PCM1: variants seen among roughly 807,000 people sequenced by gnomAD.
PCM1 encodes pericentriolar material 1, also known as pericentriolar material 1 protein.
Under a neutral mutation model 241.9 loss-of-function variants are expected in PCM1, and 157 were observed. The observed-to-expected ratio is 0.65, with a 90% CI of 0.57 to 0.74. The LOEUF (loss-of-function observed/expected upper bound fraction) is 0.74. PCM1 is among the 30% of genes least tolerant of loss of function. The pLI, the probability that PCM1 is intolerant of heterozygous loss-of-function variation, is 0.00. For missense variants in PCM1, 3,478 were observed against 2,360.1 expected (o/e 1.47, Z -9.81); for synonymous variants, 1,085 against 784.9 (o/e 1.38, Z -6.39).
chr8:18,001,292 A>G, intron 29 of PCM1, among the ~76,000 whole-genome samples: 1 of 152,196 alleles, frequency 6.6e-6, no homozygotes, highest in East Asian at 1.9e-4. Flanking sequence ...TTCCACTATT[A>G]CAAACACTTA....
At chr8:18,020,266 G>C (rs1366481256) in intron 36 of PCM1, among the ~76,000 whole-genome samples, 10 of 152,164 alleles carry the variant, frequency 6.6e-5, no homozygotes, top group Non-Finnish European at 2.9e-5. Context: ...AGTTGTCAGA[G>C]CATATCCAAA....
chr8:18,006,391 A>G lies in PCM1; in HGVS notation c.4956A>G (p.Ile1652Met), dbSNP rs2091314059. Residue 1652 changes from isoleucine (I) to methionine (M), a missense_variant, in exon 30 of 39, where the codon ATA becomes ATG. Transcript: ENST00000325083. ...TCTTTCATAAACAACTTGGAAGTAT[A>G]TTACAGGTAAGAGTTTATACTTGTA... ...VKFFHKQLGS[I>M]LQDSLAKFAG... is the part of the protein sequence containing the mutation. 3 of 1,607,068 alleles carry G rather than the reference A, an allele frequency of 1.9e-6. No homozygotes were observed. The highest frequency in any genetic ancestry group is 2.6e-6 in the Non-Finnish European group (3 of 1,173,882).
intron 4 of PCM1, among the ~76,000 whole-genome samples, chr8:17,937,988 T>C (rs999458888): frequency 3.3e-5 from 5 of 152,176 alleles, no homozygotes; most frequent in African/African-American, 4.8e-5. Context: ...TAACTGTATA[T>C]CAGGCACTGA....
intron 18 of PCM1, among the ~76,000 whole-genome samples, chr8:17,965,313 G>A (rs935055597): frequency 6.6e-6 from 1 of 152,184 alleles, no homozygotes; most frequent in Non-Finnish European, 1.5e-5. Context: ...TGATAAAATT[G>A]TTGACTGTTG....
intron 2 of PCM1, among the ~76,000 whole-genome samples, chr8:17,928,318 T>G (rs543123392): frequency 6.6e-6 from 1 of 152,314 alleles, no homozygotes; most frequent in South Asian, 2.1e-4. Context: ...ACGGTCATTC[T>G]CCATTCCCTA....
rs1308062086 is a variant in PCM1 at position 17,946,979 on chromosome 8, T to C, written c.784-207T>C. ...CCATTGATTATGTAGCTTTTTACTG[T>C]GAAATTACCTCTTAAGTGGCAGGCT... On this transcript the variant is annotated intron_variant, in intron 6 of 38. Coordinates refer to ENST00000325083, the MANE Select transcript of PCM1 (RefSeq NM_006197.4). Among the ~76,000 whole-genome samples the C allele has an allele frequency of 2.6e-5, 4 of 152,066 alleles. No homozygotes were observed. In the East Asian group the frequency reaches 7.7e-4, roughly 29 times the overall value.
At chr8:17,995,681 T>C (rs532717188) in intron 29 of PCM1, among the ~76,000 whole-genome samples, 1 of 147,192 alleles carries the variant, frequency 6.8e-6, no homozygotes, top group African/African-American at 2.7e-5. Flanking sequence ...ACAATATTGA[T>C]TTTTCCAATC....
At chr8:17,953,283 C>T in intron 9 of PCM1, 97 bp downstream of exon 9, 1 of 576,636 alleles carries the variant, frequency 1.7e-6, no homozygotes, top group Non-Finnish European at 2.8e-6. Context: ...ACACATAGCT[C>T]CTCAAAAATA....
rs1227787597 is a variant in PCM1 at position 17,956,637 on chromosome 8, G to A, written c.1506G>A (p.Glu502=). ...ATGAAGTTCGAAAGAGATTGAATGAGCTAAGAGAATTAGTTCATTATTATG... is the reference window on the plus strand; with the variant it reads ...ATGAAGTTCGAAAGAGATTGAATGAACTAAGAGAATTAGTTCATTATTATG... ...KLNEVRKRLN[E]LRELVHYYEQ... Residue 502 remains glutamate, a synonymous_variant, in exon 11 of 39, where the codon GAG becomes GAA. Transcript: ENST00000325083. The A allele has an allele frequency of 7.5e-6, 12 of 1,598,988 alleles. No homozygotes were observed. The highest frequency in any genetic ancestry group is 1.7e-4 in the Middle Eastern group (1 of 5,886).
intron 29 of PCM1, among the ~76,000 whole-genome samples, chr8:17,995,137 A>T (rs1185645125): frequency 6.6e-6 from 1 of 151,308 alleles, no homozygotes; most frequent in Non-Finnish European, 1.5e-5. Flanking sequence ...CACTGTTTTC[A>T]TATAATAGTT....
At chr8:18,020,089 A>G (rs1026904080) in intron 36 of PCM1, among the ~76,000 whole-genome samples, 2 of 152,216 alleles carry the variant, frequency 1.3e-5, no homozygotes, top group South Asian at 2.1e-4. Flanking sequence ...CAAGCTTTCA[A>G]TAAAATAAAC....
rs2073228841 is a variant in PCM1 at position 17,963,043 on chromosome 8, C to T, written c.2464-58C>T. The T allele has an allele frequency of 2.2e-6, 3 of 1,336,404 alleles. No individual in the cohort carries two copies. The East Asian group carries it at 7.5e-5, about 34-fold the overall frequency. The allele number at this position is 1,336,404 out of a possible 1,614,324, so 82.8% of individuals were successfully genotyped here. A position where few individuals can be genotyped will look rare whatever the true frequency, so the allele number is the denominator to read the frequency against. ...CTGACAATACTAGTAGTCTTTTACT[C>T]TTTTAGGCTACAGCAAATCCAAATA... On this transcript the variant is annotated intron_variant, in intron 16 of 38. Transcript: ENST00000325083.
intron 30 of PCM1, among the ~76,000 whole-genome samples, chr8:18,007,833 T>TA (rs1331691300): frequency 6.6e-6 from 1 of 152,136 alleles, no homozygotes; most frequent in Non-Finnish European, 1.5e-5. Flanking sequence ...CTAGATAAGA[T>TA]AGTCTTTTGG....
Position 17,956,701 on chromosome 8 carries a change from A to G in PCM1, c.1570A>G (p.Asn524Asp). The G allele has an allele frequency of 1.9e-6, 3 of 1,606,622 alleles. No individual in the cohort carries two copies. Among genetic ancestry groups the G allele is most frequent in the Non-Finnish European group, 2.6e-6 (3 of 1,175,134 alleles). The change falls in exon 11 of 39, where the codon AAC becomes GAC. Residue 524 changes from asparagine (N) to aspartate (D), a missense_variant. Transcript: ENST00000325083. ...SDMMTDAVNENRKDEETEESE... is the reference protein window; with the variant it reads ...SDMMTDAVNEDRKDEETEESE... ...CATGATGACAGATGCTGTGAATGAA[A>G]ACAGGAAAGATGAAGAAACTGAAGA...
rs2085460329 is a variant in PCM1 at position 17,993,348 on chromosome 8, A to C, written c.4691-135A>C. ...TTATTTTAATTGATAGGGGTGCTTA[A>C]ACTACAAACATGTTTCTTTGTATTA... On this transcript the variant is annotated intron_variant, in intron 28 of 38. Coordinates refer to ENST00000325083, the MANE Select transcript of PCM1 (RefSeq NM_006197.4). 5.8e-6 allele frequency: 3 copies of C among 521,580 alleles called. No homozygotes were observed. In the Admixed American group the frequency reaches 1.3e-4, roughly 22 times the overall value. The allele number at this position is 521,580 out of a possible 1,614,324, so 32.3% of individuals were successfully genotyped here. A position where few individuals can be genotyped will look rare whatever the true frequency, so the allele number is the denominator to read the frequency against.
intron 21 of PCM1, among the ~76,000 whole-genome samples, chr8:17,968,055 CAA>C (rs35339046): frequency 3.1e-4 from 35 of 111,858 alleles, no homozygotes; most frequent in East Asian, 2.6e-4. Context: ...GTTCCGCCGC[CAA>C]AAAAAAAAAA....
At chr8:17,984,498 A>G (rs959795667) in intron 24 of PCM1, among the ~76,000 whole-genome samples, 1 of 151,878 alleles carries the variant, frequency 6.6e-6, no homozygotes, top group East Asian at 1.9e-4. Flanking sequence ...TATAATTAAT[A>G]TATTTTTCTA....
intron 13 of PCM1, among the ~76,000 whole-genome samples, chr8:17,958,165 T>G (rs1267481628): frequency 6.6e-6 from 1 of 152,190 alleles, no homozygotes. Context: ...TCTGGCCTTA[T>G]ATTATGTACA....
intron 23 of PCM1, among the ~76,000 whole-genome samples, chr8:17,979,904 G>A (rs559462921): frequency 2.6e-5 from 4 of 152,226 alleles, no homozygotes; most frequent in African/African-American, 9.6e-5. Flanking sequence ...TATAACTTGT[G>A]TTTCTAAATG....
Sources: allele counts gnomAD v4.1 joint callset (sites outside exome capture counted in the v4.1 genomes callset), GRCh38; gene constraint gnomAD v4.1.1; transcripts MANE v1.5; gene names NCBI Gene and HGNC (gene_info 2026-07-23, HGNC 2026-07-21).